Variants in NSMAF observed in about 807,000 individuals in gnomAD.
The protein encoded by NSMAF is neutral sphingomyelinase activation associated factor.
In NSMAF, 90 loss-of-function variants were observed where a neutral mutation model predicts 134.9. The ratio of observed to expected loss-of-function variants is 0.67; its 90% CI spans 0.56 to 0.79. The LOEUF is 0.79. NSMAF is among the 30% of genes least tolerant of loss of function. NSMAF has a pLI of 0.00. For missense variants in NSMAF, 1,010 were observed against 1,119.0 expected, an observed-to-expected ratio of 0.90 and a Z score of 1.39; for synonymous variants, 358 against 389.6, an observed-to-expected ratio of 0.92 and a Z score of 0.96.
Position 58,659,672 on chromosome 8 carries a change from CCCGCCG to C in NSMAF, c.-47_-42del. ...GCGGGCGCAGAGCGCACAGGCAGGC[CCCGCCG>C]CCGCCTGCCGAGGAGGTCCGGAGGA... On this transcript the variant is annotated 5_prime_UTR_variant, in exon 1 of 31. Coordinates refer to ENST00000038176, the MANE Select transcript of NSMAF (RefSeq NM_003580.4). 1 of 1,351,762 alleles carries C rather than the reference CCCGCCG, an allele frequency of 7.4e-7. No homozygotes were observed. Among genetic ancestry groups the C allele is most frequent in the South Asian group, 1.9e-5 (1 of 53,638 alleles). The allele number at this position is 1,351,762 out of a possible 1,614,324, so 83.7% of individuals were successfully genotyped here.
intron 9 of NSMAF, among the ~76,000 whole-genome samples, chr8:58,617,547 G>C (rs1300384731): frequency 1.3e-5 from 2 of 152,130 alleles, no homozygotes; most frequent in Admixed American, 1.3e-4. Flanking sequence ...GCAGCCAACA[G>C]ACACATGAAA....
intron 24 of NSMAF, among the ~76,000 whole-genome samples, chr8:58,590,597 A>G (rs1314306198): frequency 6.6e-6 from 1 of 152,200 alleles, no homozygotes; most frequent in Non-Finnish European, 1.5e-5. Context: ...TCTGACAGCT[A>G]AAAAAGGGAG....
At chr8:58,654,349 G>A (rs538986770) in intron 1 of NSMAF, among the ~76,000 whole-genome samples, 14 of 152,224 alleles carry the variant, frequency 9.2e-5, no homozygotes, top group South Asian at 4.1e-4. Context: ...TCGGGAGTTC[G>A]AGACCAGCCT....
At chr8:58,656,837 T>G (rs1173689833) in intron 1 of NSMAF, among the ~76,000 whole-genome samples, 2 of 151,660 alleles carry the variant, frequency 1.3e-5, no homozygotes, top group African/African-American at 2.4e-5. Flanking sequence ...CTCAAAAAAA[T>G]AAAAATAAAA....
chr8:58,628,499 A>G lies in NSMAF; in HGVS notation c.384+2997T>C, dbSNP rs1488577136. On this transcript the variant is annotated intron_variant, in intron 6 of 30. Transcript: ENST00000038176. ...CAAATTACATCCATTTATATTGTGTATTCATTAACACAGATTTCTAGTTAT... is the reference window on the plus strand; with the variant it reads ...CAAATTACATCCATTTATATTGTGTGTTCATTAACACAGATTTCTAGTTAT... Among the ~76,000 whole-genome samples the G allele has an allele frequency of 2.0e-5, 3 of 152,282 alleles. No homozygotes were observed. In the East Asian group the frequency reaches 5.8e-4, roughly 29 times the overall value.
intron 19 of NSMAF, among the ~76,000 whole-genome samples, 181 bp from the exon 20 acceptor site, chr8:58,598,083 C>T (rs1477264164): frequency 6.6e-6 from 1 of 152,104 alleles, no homozygotes; most frequent in Non-Finnish European, 1.5e-5. Flanking sequence ...TTCAGATGAA[C>T]AAAAATCTAC....
intron 21 of NSMAF, among the ~76,000 whole-genome samples, chr8:58,596,989 G>A (rs1450889536): frequency 6.6e-6 from 1 of 151,248 alleles, no homozygotes; most frequent in Non-Finnish European, 1.5e-5. Context: ...TAGGGCCAGA[G>A]AAAGTCCCTT....
intron 22 of NSMAF, 55 bp downstream of exon 22, chr8:58,595,505 A>C (rs914686189): frequency 2.4e-6 from 3 of 1,235,642 alleles, no homozygotes; most frequent in Non-Finnish European, 3.6e-6. Context: ...CCATGCCAAG[A>C]CCCTAACTTT....
Position 58,594,288 on chromosome 8 carries a change from G to C in NSMAF, c.1895C>G (p.Ala632Gly), listed in dbSNP as rs1347216971. 2 of 1,613,610 alleles carry C rather than the reference G, an allele frequency of 1.2e-6. No homozygotes were observed. Among genetic ancestry groups the C allele is most frequent in the Non-Finnish European group, 1.7e-6 (2 of 1,179,624 alleles). ...GCGAGAGACCGTGATTCCAGTAACT[G>C]CTCTGCTCAAAAACAAAGTTTCACA... The part of the protein sequence containing the change: ...LHEHYKIHKE[A>G]VTGITVSRNG... The change falls in exon 23 of 31, where the codon GCA becomes GGA. Residue 632 changes from alanine to glycine, a missense_variant and splice_region_variant. Physicochemically the swap from Ala to Gly is moderately conservative, Grantham distance 60. Coordinates refer to ENST00000038176, the MANE Select transcript of NSMAF (RefSeq NM_003580.4).
intron 1 of NSMAF, among the ~76,000 whole-genome samples, chr8:58,648,013 G>A (rs1471676714): frequency 6.6e-6 from 1 of 152,214 alleles, no homozygotes; most frequent in East Asian, 1.9e-4. Flanking sequence ...ACTTCTCAGA[G>A]ACTGGTTAAA....
At chr8:58,587,761 G>C (rs1805924429) in intron 26 of NSMAF, 60 bp from the exon 27 acceptor site, 2 of 1,444,668 alleles carry the variant, frequency 1.4e-6, no homozygotes, top group Admixed American at 1.8e-5. Flanking sequence ...TCATTTTCTA[G>C]TGCATTCAAG....
chr8:58,613,155 C>T (rs1014078036), intron 9 of NSMAF, among the ~76,000 whole-genome samples: 2 of 152,004 alleles, frequency 1.3e-5, no homozygotes, highest in African/African-American at 4.8e-5. Flanking sequence ...TTATAAACAT[C>T]TAAATATCTA....
chr8:58,633,601 G>A (rs1455338366), intron 5 of NSMAF, among the ~76,000 whole-genome samples: 1 of 152,098 alleles, frequency 6.6e-6, no homozygotes. Context: ...CAGATATCTT[G>A]TTCTTCCCTA....
chr8:58,605,405 T>G (rs1013355600), intron 12 of NSMAF, among the ~76,000 whole-genome samples: 2 of 152,194 alleles, frequency 1.3e-5, no homozygotes, highest in African/African-American at 4.8e-5. Flanking sequence ...ATATAAGACC[T>G]GACTGAACAT....
chr8:58,643,485 A>G (rs1033590732), intron 1 of NSMAF, among the ~76,000 whole-genome samples: 2 of 150,370 alleles, frequency 1.3e-5, no homozygotes, highest in African/African-American at 4.9e-5. Context: ...CATCTGCCTC[A>G]TGGTTATCTG....
intron 30 of NSMAF, 55 bp from the exon 31 acceptor site, chr8:58,584,255 T>C (rs1344511890): frequency 8.1e-7 from 1 of 1,237,660 alleles, no homozygotes; most frequent in African/African-American, 1.5e-5. Context: ...CACCCAAAGA[T>C]AAACTTTACT....
chr8:58,637,237 C>A (rs2129146592), intron 2 of NSMAF: 3 of 436,288 alleles, frequency 6.9e-6, no homozygotes, highest in South Asian at 3.3e-5. Context: ...TCCTTACTTG[C>A]CAGTATGACA....
intron 1 of NSMAF, among the ~76,000 whole-genome samples, chr8:58,644,978 G>A (rs936784323): frequency 6.6e-6 from 1 of 152,146 alleles, no homozygotes; most frequent in East Asian, 1.9e-4. Context: ...TGGGGAGCTA[G>A]AGGAGGGATA....
At chr8:58,650,979 C>A (rs1807568812) in intron 1 of NSMAF, among the ~76,000 whole-genome samples, 1 of 152,164 alleles carries the variant, frequency 6.6e-6, no homozygotes, top group African/African-American at 2.4e-5. Flanking sequence ...ATCATGTTAT[C>A]TTTGTTCCTC....
Sources: gnomAD v4.1 joint callset for allele counts (sites outside exome capture counted in the v4.1 genomes callset) on GRCh38, gnomAD v4.1.1 for gene constraint, MANE v1.5 for transcripts, NCBI Gene and HGNC (gene_info 2026-07-23, HGNC 2026-07-21) for gene names.